TSNARE1: variants seen among roughly 807,000 people sequenced by gnomAD.
TSNARE1 encodes the protein t-SNARE domain containing 1.
A neutral mutation model predicts 62.0 loss-of-function variants in TSNARE1; 49 were observed. The observed-to-expected ratio is 0.79, with a 90% CI of 0.63 to 1.00. The LOEUF (loss-of-function observed/expected upper bound fraction) is 1.00. Among genes scored for constraint, TSNARE1 ranks in the 50% least tolerant of loss-of-function variants. The pLI, the probability that TSNARE1 is intolerant of heterozygous loss-of-function variation, is 0.00. For synonymous variants in TSNARE1, 328 were observed against 294.4 expected, an observed-to-expected ratio of 1.11 and a Z score of -1.17; for missense variants, 755 against 700.1, an observed-to-expected ratio of 1.08 and a Z score of -0.88.
intron 10 of TSNARE1, among the ~76,000 whole-genome samples, chr8:142,294,513 C>T (rs560905192): frequency 3.3e-5 from 5 of 152,262 alleles, no homozygotes; most frequent in African/African-American, 7.2e-5. Flanking sequence ...GGGCTCCTGG[C>T]GGCAGCTGGC....
At chr8:142,337,984 G>C (rs1832007342) in intron 4 of TSNARE1, among the ~76,000 whole-genome samples, 1 of 152,172 alleles carries the variant, frequency 6.6e-6, no homozygotes. Context: ...CTCATTCCCA[G>C]TCCTGTCCCC....
Position 142,291,285 on chromosome 8 carries a change from A to G in TSNARE1, c.1291-6800T>C, listed in dbSNP as rs1179423164. On this transcript the variant is annotated intron_variant, in intron 10 of 13. Transcript: ENST00000524325. This position sits in a 1 kb window ranked among gnomAD's most constrained non-coding sequence, Gnocchi z 4.8. Reference sequence around the variant, plus strand: ...GGATGGCCTTGTGCTGGAGTAGGGCACCTGGGCTCGAATCCCAGCTCCATG... The same window carrying G: ...GGATGGCCTTGTGCTGGAGTAGGGCGCCTGGGCTCGAATCCCAGCTCCATG... Among the ~76,000 whole-genome samples, 1 of 151,824 alleles carries G rather than the reference A, an allele frequency of 6.6e-6. No homozygotes were observed. The highest frequency in any genetic ancestry group is 1.5e-5 in the Non-Finnish European group (1 of 67,978).
rs911516551 is a variant in TSNARE1 at position 142,291,182 on chromosome 8, G to A, written c.1291-6697C>T. 1.3e-5 allele frequency among the ~76,000 whole-genome samples: 2 copies of A among 151,814 alleles called. No homozygotes were observed. The highest frequency in any genetic ancestry group is 6.6e-5 in the Admixed American group (1 of 15,238). The stretch of plus-strand genomic sequence containing the variant: ...TTTCCATGCCTGGCTCTGGACCTGC[G>A]GGTGGCCTTGGAGACAAATCCCACC... On this transcript the variant is annotated intron_variant, in intron 10 of 13. Transcript: ENST00000524325. The surrounding 1 kb of genome is among the most constrained non-coding windows in gnomAD (Gnocchi z 4.8).
At chr8:142,228,925 G>T (rs1018889545) in intron 13 of TSNARE1, among the ~76,000 whole-genome samples, 9 of 152,038 alleles carry the variant, frequency 5.9e-5, no homozygotes, top group Non-Finnish European at 1.3e-4. Context: ...GTAGCTAGGT[G>T]GATGTGTGAA....
At chr8:142,352,039 C>T (rs1344024202) in intron 2 of TSNARE1, among the ~76,000 whole-genome samples, 1 of 152,352 alleles carries the variant, frequency 6.6e-6, no homozygotes, top group East Asian at 1.9e-4. Flanking sequence ...GTGCGAGTCC[C>T]GAAGGGAATG....
chr8:142,351,651 C>T (rs190034844), intron 2 of TSNARE1, among the ~76,000 whole-genome samples: 33 of 152,188 alleles, frequency 2.2e-4, no homozygotes, highest in Middle Eastern at 3.4e-3. Flanking sequence ...CAAACATACC[C>T]GAGACACTTC....
chr8:142,316,112 A>G lies in TSNARE1; in HGVS notation c.985-1020T>C, dbSNP rs996809055. Among the ~76,000 whole-genome samples, 43 of 147,034 alleles carry G rather than the reference A, an allele frequency of 2.9e-4. 1 individual carries two copies. Among genetic ancestry groups the G allele is most frequent in the African/African-American group, 1.0e-3 (43 of 41,200 alleles). On this transcript the variant is annotated intron_variant, in intron 7 of 13. Transcript: ENST00000524325. ...ACGTAAGCGCAGCGCCTCCCGTAAG[A>G]GGGACCCAGCGTGTATTCTTGGATG...
chr8:142,316,058 C>T (rs553330242), intron 7 of TSNARE1, among the ~76,000 whole-genome samples: 14 of 152,250 alleles, frequency 9.2e-5, no homozygotes, highest in Admixed American at 2.6e-4. Flanking sequence ...TCGCAACCCT[C>T]CACCATGTGG....
chr8:142,393,282 C>T (rs192332143), intron 1 of TSNARE1, among the ~76,000 whole-genome samples: 43 of 152,270 alleles, frequency 2.8e-4, no homozygotes, highest in Middle Eastern at 3.4e-3. Flanking sequence ...CTTCAACTGA[C>T]GACATTACGG....
chr8:142,263,787 T>G (rs890853874), intron 12 of TSNARE1, among the ~76,000 whole-genome samples: 1 of 152,228 alleles, frequency 6.6e-6, no homozygotes, highest in Non-Finnish European at 1.5e-5. Flanking sequence ...ATCCATGGAC[T>G]CCTCTTGTTA....
intron 1 of TSNARE1, among the ~76,000 whole-genome samples, chr8:142,367,666 G>A (rs1018296445): frequency 1.3e-5 from 2 of 152,072 alleles, no homozygotes; most frequent in Admixed American, 6.5e-5. Context: ...ACTTCAAAAC[G>A]GTGAACTTTA....
intron 12 of TSNARE1, chr8:142,273,030 C>A (rs533501655): frequency 1.4e-4 from 138 of 985,320 alleles, no homozygotes; most frequent in Non-Finnish European, 1.6e-4. Context: ...ACTTCACGGC[C>A]GCCTCCTGGG....
chr8:142,275,421 G>T lies in TSNARE1; in HGVS notation c.1364-558C>A, dbSNP rs117466083. ...CGGGAGATGGTACCTGGGAAAAGCC[G>T]GGCTCGGTGGCTGCAGCAGTGCCAC... On this transcript the variant is annotated intron_variant, in intron 11 of 13. Transcript: ENST00000524325. 3.0e-4 allele frequency: 298 copies of T among 985,322 alleles called. 1 individual carries two copies. In the East Asian group the frequency reaches 0.03, roughly 98 times the overall value. The allele number at this position is 985,322 out of a possible 1,614,324, so 61.0% of individuals were successfully genotyped here.
intron 10 of TSNARE1, among the ~76,000 whole-genome samples, chr8:142,287,967 G>A (rs1024392764): frequency 6.6e-6 from 1 of 152,224 alleles, no homozygotes; most frequent in African/African-American, 2.4e-5. Context: ...CTCCCTTCAG[G>A]ACGTCCCGTG....
intron 12 of TSNARE1, among the ~76,000 whole-genome samples, chr8:142,256,557 CCACCATCACCATCACCAT>C (rs1466898410): frequency 6.9e-5 from 10 of 145,238 alleles, no homozygotes; most frequent in South Asian, 2.3e-4. Flanking sequence ...ATCACCATCA[CCACCATCACCATCACCAT>C]CATCACCACC....
intron 10 of TSNARE1, among the ~76,000 whole-genome samples, chr8:142,287,321 A>G (rs112084802): frequency 1.7e-5 from 2 of 114,986 alleles, no homozygotes; most frequent in South Asian, 3.2e-4. Context: ...TCTCAGGGAC[A>G]GTGGGCCGCC....
intron 3 of TSNARE1, 57 bp downstream of exon 3, chr8:142,345,686 C>A: frequency 6.7e-7 from 1 of 1,490,482 alleles, no homozygotes; most frequent in South Asian, 1.4e-5. Context: ...TCCTCAGCAC[C>A]TGCATCTCCA....
rs1012435526 is a variant in TSNARE1, at chr8:142,270,481, C to CGCATATAT, written c.1446+4299_1446+4300insATATATGC. ...CATACAGTACCAAGTAATATATAGG[C>CGCATATAT]ATATATATATATATATATATATTTA... On this transcript the variant is annotated intron_variant, in intron 12 of 13. Transcript: ENST00000524325. 4.2e-6 allele frequency: 3 copies of CGCATATAT among 713,118 alleles called. No homozygotes were observed. The African/African-American group carries it at 6.1e-5, about 14-fold the overall frequency. 44.2% of individuals were successfully genotyped at this position (713,118 alleles called of 1,614,324 possible).
chr8:142,294,736 C>CTG (rs1563848034), intron 10 of TSNARE1, among the ~76,000 whole-genome samples: 1 of 152,202 alleles, frequency 6.6e-6, no homozygotes, highest in Non-Finnish European at 1.5e-5. Flanking sequence ...CAGCAGACAG[C>CTG]CCTACAGAGG....
Sources: gnomAD v4.1 joint callset for allele counts (sites outside exome capture counted in the v4.1 genomes callset) on GRCh38, gnomAD v4.1.1 for gene constraint, Gnocchi (gnomAD v3.1) non-coding constraint, MANE v1.5 for transcripts, NCBI Gene and HGNC (gene_info 2026-07-23, HGNC 2026-07-21) for gene names.